The following WDPCP variants were observed in gnomAD, a reference collection of about 807,000 sequenced individuals.
The protein encoded by WDPCP is WD repeat-containing and planar cell polarity effector protein fritz homolog.
Under a neutral mutation model 93.1 loss-of-function variants are expected in WDPCP, and 71 were observed. That is an observed-to-expected ratio of 0.76 (90% confidence interval 0.63 to 0.93). The LOEUF is 0.93. Among genes scored for constraint, WDPCP ranks in the 40% least tolerant of loss-of-function variants. The pLI, the probability that WDPCP is intolerant of heterozygous loss-of-function variation, is 0.00. For missense variants in WDPCP, 844 were observed against 887.4 expected, an observed-to-expected ratio of 0.95 and a Z score of 0.62; for synonymous variants, 315 against 315.0, an observed-to-expected ratio of 1.00 and a Z score of 0.00.
chr2:63,689,420 C>T (rs183775912), intron 2 of WDPCP, among the ~76,000 whole-genome samples: 2 of 152,176 alleles, frequency 1.3e-5, no homozygotes, highest in East Asian at 3.9e-4. Context: ...GTAAAGGGGG[C>T]CTCGAAATAT....
intron 1 of WDPCP, among the ~76,000 whole-genome samples, chr2:63,550,999 T>C (rs1264394425): frequency 3.9e-5 from 6 of 152,132 alleles, no homozygotes; most frequent in African/African-American, 1.4e-4. Flanking sequence ...GAAACCTACG[T>C]ATAAGTCTTT....
At chr2:63,704,625 C>G (rs6704778) in intron 2 of WDPCP, among the ~76,000 whole-genome samples, 62,996 of 151,956 alleles carry the variant, frequency 0.41, 14,920 homozygotes, top group African/African-American at 0.65. Context: ...GGTTGAACCA[C>G]CCTTGCATCC....
At chr2:63,814,675 G>A (rs574782869) in intron 1 of WDPCP, among the ~76,000 whole-genome samples, 2 of 152,230 alleles carry the variant, frequency 1.3e-5, no homozygotes, top group South Asian at 4.1e-4. Flanking sequence ...TGCCACACAC[G>A]AAATGACTTT....
At chr2:63,349,323 T>C (rs1043780112) in intron 12 of WDPCP, among the ~76,000 whole-genome samples, 6 of 152,262 alleles carry the variant, frequency 3.9e-5, no homozygotes, top group South Asian at 2.1e-4. Flanking sequence ...TTTAAATGTA[T>C]AGAAGTACAA....
intron 3 of WDPCP, among the ~76,000 whole-genome samples, chr2:63,625,851 T>C (rs1470552644): frequency 1.3e-5 from 2 of 152,150 alleles, no homozygotes; most frequent in Non-Finnish European, 2.9e-5. Flanking sequence ...AAATTTCATA[T>C]GGAACCAAAA....
intron 1 of WDPCP, among the ~76,000 whole-genome samples, chr2:63,516,925 A>G (rs1001261198): frequency 1.3e-5 from 2 of 152,168 alleles, no homozygotes; most frequent in Non-Finnish European, 2.9e-5. Flanking sequence ...GGATGAGGAC[A>G]GGGAGAGAAA....
chr2:63,815,509 G>C (rs1670920409), intron 1 of WDPCP, among the ~76,000 whole-genome samples: 1 of 152,146 alleles, frequency 6.6e-6, no homozygotes, highest in Non-Finnish European at 1.5e-5. Context: ...AGAAAGCATT[G>C]AGCTGGGCCT....
At chr2:63,425,838 C>T (rs1414578767) in intron 9 of WDPCP, among the ~76,000 whole-genome samples, 1 of 152,160 alleles carries the variant, frequency 6.6e-6, no homozygotes, top group African/African-American at 2.4e-5. Context: ...CCCAATCTCC[C>T]TAGAGAGACT....
At chr2:63,681,857 T>A (rs991614060) in intron 2 of WDPCP, among the ~76,000 whole-genome samples, 21 of 152,032 alleles carry the variant, frequency 1.4e-4, no homozygotes, top group Non-Finnish European at 4.4e-5. Context: ...CTCCCTTTGT[T>A]TGAGAGAAAG....
At chr2:63,360,296 C>A (rs1349450898) in intron 12 of WDPCP, among the ~76,000 whole-genome samples, 3 of 152,154 alleles carry the variant, frequency 2.0e-5, no homozygotes, top group Non-Finnish European at 4.4e-5. Flanking sequence ...AGTGGTTATG[C>A]AGAGAAACTT....
At chr2:63,840,233 T>A in the WDPCP span, among the ~76,000 whole-genome samples, 1 of 152,228 alleles carries the variant, frequency 6.6e-6, no homozygotes, top group Non-Finnish European at 1.5e-5. Flanking sequence ...CAGGTGGGGT[T>A]GACGGTACCA....
At chr2:63,169,397 T>C (rs1346182796) in intron 15 of WDPCP, among the ~76,000 whole-genome samples, 1 of 152,228 alleles carries the variant, frequency 6.6e-6, no homozygotes, top group Non-Finnish European at 1.5e-5. Context: ...CCTTGCCTTA[T>C]ATTTTATTTT....
intron 14 of WDPCP, among the ~76,000 whole-genome samples, chr2:63,227,236 A>G (rs1295115834): frequency 6.6e-6 from 1 of 151,964 alleles, no homozygotes; most frequent in African/African-American, 2.4e-5. Context: ...CTTTAGTTCT[A>G]GAGGAATTGT....
intron 13 of WDPCP, among the ~76,000 whole-genome samples, chr2:63,294,207 A>G (rs1414687698): frequency 6.6e-6 from 1 of 152,218 alleles, no homozygotes; most frequent in East Asian, 1.9e-4. Flanking sequence ...CTGGGCTGAT[A>G]AAAGTGCCAA....
chr2:63,738,725 T>A (rs1024906091), intron 2 of WDPCP, among the ~76,000 whole-genome samples: 3 of 152,232 alleles, frequency 2.0e-5, no homozygotes, highest in Non-Finnish European at 2.9e-5. Flanking sequence ...TTATGTTTTT[T>A]AAACTTTTTA....
intron 6 of WDPCP, among the ~76,000 whole-genome samples, chr2:63,464,897 G>A (rs1699243901): frequency 6.6e-6 from 1 of 151,852 alleles, no homozygotes; most frequent in Non-Finnish European, 1.5e-5. Flanking sequence ...GGGGAAAAGG[G>A]GGCATTGTTG....
chr2:63,375,554 G>T (rs932173), intron 12 of WDPCP, among the ~76,000 whole-genome samples: 85,335 of 151,596 alleles, frequency 0.56, 24,360 homozygotes, highest in Admixed American at 0.63. Context: ...ACAAAAAGAT[G>T]AGAAGTGAAT....
intron 12 of WDPCP, among the ~76,000 whole-genome samples, chr2:63,362,247 C>A: frequency 1.8e-5 from 1 of 54,342 alleles, no homozygotes; most frequent in African/African-American, 8.1e-5. Context: ...CTGGTAAAAT[C>A]GGTAGAATCC....
chr2:63,549,421 T>A (rs955929652), intron 1 of WDPCP, among the ~76,000 whole-genome samples: 51 of 152,032 alleles, frequency 3.4e-4, no homozygotes, highest in Non-Finnish European at 1.5e-4. Context: ...TGTTTTATAC[T>A]GTAATGGAAA....
Sources: allele counts gnomAD v4.1 joint callset (sites outside exome capture counted in the v4.1 genomes callset), GRCh38; gene constraint gnomAD v4.1.1; transcripts MANE v1.5; gene names NCBI Gene and HGNC (gene_info 2026-07-23, HGNC 2026-07-21).